PPARGC1A: variants seen among roughly 807,000 people sequenced by gnomAD.
PPARGC1A encodes the protein peroxisome proliferator-activated receptor gamma coactivator 1-alpha.
PPARGC1A carries 25 observed loss-of-function variants against 88.7 expected under a neutral mutation model. The observed-to-expected ratio is 0.28, with a 90% CI of 0.21 to 0.39. The LOEUF (loss-of-function observed/expected upper bound fraction) is 0.39. PPARGC1A is among the 10% of genes least tolerant of loss of function. PPARGC1A has a pLI of 1.00. For missense variants in PPARGC1A, 880 were observed against 968.7 expected (o/e 0.91, Z 1.22); for synonymous variants, 363 against 355.6 (o/e 1.02, Z -0.24).
At chr4:24,453,216 C>G in the PPARGC1A span, among the ~76,000 whole-genome samples, 5 of 152,192 alleles carry the variant, frequency 3.3e-5, no homozygotes, top group African/African-American at 1.2e-4. Flanking sequence ...TCTGCCAACA[C>G]CTTGATCTCA....
chr4:24,146,029 G>C, the PPARGC1A span, among the ~76,000 whole-genome samples: 1 of 152,178 alleles, frequency 6.6e-6, no homozygotes, highest in Non-Finnish European at 1.5e-5. Flanking sequence ...GGCCAAATGA[G>C]TTTGAGAATG....
the PPARGC1A span, among the ~76,000 whole-genome samples, chr4:24,458,778 T>G: frequency 6.6e-6 from 1 of 152,130 alleles, no homozygotes; most frequent in Non-Finnish European, 1.5e-5. Flanking sequence ...TAACATACAA[T>G]GGGATACTAC....
the PPARGC1A span, among the ~76,000 whole-genome samples, chr4:24,310,483 A>AAG: frequency 6.6e-6 from 1 of 152,166 alleles, no homozygotes; most frequent in Non-Finnish European, 1.5e-5. Flanking sequence ...CTGATTTAAG[A>AAG]AGAGAGAGAG....
chr4:23,918,569 T>A, the PPARGC1A span, among the ~76,000 whole-genome samples: 3 of 152,152 alleles, frequency 2.0e-5, no homozygotes, highest in Admixed American at 2.0e-4. Flanking sequence ...TTGGGTCTCT[T>A]AATGAGACAT....
the PPARGC1A span, among the ~76,000 whole-genome samples, chr4:24,419,547 G>GAGA: frequency 6.6e-6 from 1 of 150,866 alleles, no homozygotes; most frequent in East Asian, 1.9e-4. Flanking sequence ...TTCAGCCTTG[G>GAGA]AGAACTTCCT....
At chr4:23,963,405 G>C in the PPARGC1A span, among the ~76,000 whole-genome samples, 11 of 152,192 alleles carry the variant, frequency 7.2e-5, no homozygotes, top group African/African-American at 2.4e-4. Flanking sequence ...TGAACTTTCA[G>C]AGTGCTCAGC....
chr4:24,362,872 T>C, the PPARGC1A span, among the ~76,000 whole-genome samples: 1 of 152,174 alleles, frequency 6.6e-6, no homozygotes, highest in Non-Finnish European at 1.5e-5. Flanking sequence ...TTCAAGCACA[T>C]TCGGAAGCTC....
the PPARGC1A span, among the ~76,000 whole-genome samples, chr4:24,326,995 C>T: frequency 6.6e-6 from 1 of 152,300 alleles, no homozygotes; most frequent in Non-Finnish European, 1.5e-5. Flanking sequence ...ACAGACCAAC[C>T]TTTATTAGTC....
the PPARGC1A span, among the ~76,000 whole-genome samples, chr4:24,112,553 T>C: frequency 1.3e-5 from 2 of 152,182 alleles, no homozygotes; most frequent in African/African-American, 4.8e-5. Flanking sequence ...TTATGTCATT[T>C]TGTCTTGGAA....
At chr4:23,999,394 A>G in the PPARGC1A span, among the ~76,000 whole-genome samples, 2 of 152,190 alleles carry the variant, frequency 1.3e-5, no homozygotes, top group East Asian at 1.9e-4. Context: ...TTTCCTGTCT[A>G]TTAGCTTTCT....
At chr4:24,223,143 T>C in the PPARGC1A span, among the ~76,000 whole-genome samples, 3 of 152,006 alleles carry the variant, frequency 2.0e-5, no homozygotes, top group South Asian at 4.2e-4. Flanking sequence ...ATTCAAAAGA[T>C]GAAAGCTATA....
the PPARGC1A span, among the ~76,000 whole-genome samples, chr4:24,277,208 T>C: frequency 1.3e-5 from 2 of 152,168 alleles, no homozygotes; most frequent in Non-Finnish European, 2.9e-5. Context: ...TCCTCCCACC[T>C]TAGCCTACTG....
At chr4:24,301,513 A>G in the PPARGC1A span, among the ~76,000 whole-genome samples, 2 of 151,760 alleles carry the variant, frequency 1.3e-5, no homozygotes, top group African/African-American at 4.8e-5. Context: ...TACCCACATC[A>G]GTTGAGAGCG....
At chr4:24,173,346 A>AG in the PPARGC1A span, among the ~76,000 whole-genome samples, 1 of 151,806 alleles carries the variant, frequency 6.6e-6, no homozygotes, top group African/African-American at 2.4e-5. Context: ...ACCAAAAAAA[A>AG]AAAAAAAAAA....
At chr4:24,412,400 A>G in the PPARGC1A span, among the ~76,000 whole-genome samples, 1 of 152,214 alleles carries the variant, frequency 6.6e-6, no homozygotes, top group African/African-American at 2.4e-5. Flanking sequence ...TAGGGGGAAA[A>G]AAAACAAAAG....
At chr4:23,911,359 T>G in the PPARGC1A span, among the ~76,000 whole-genome samples, 1 of 152,280 alleles carries the variant, frequency 6.6e-6, no homozygotes, top group Non-Finnish European at 1.5e-5. Flanking sequence ...AAATAGAATC[T>G]ATCCCCATAA....
chr4:23,974,810 T>G, the PPARGC1A span, among the ~76,000 whole-genome samples: 1 of 130,128 alleles, frequency 7.7e-6, no homozygotes, highest in South Asian at 2.6e-4. Context: ...TTTTTTTTTT[T>G]TTTTTTTTTT....
chr4:24,062,119 A>G, the PPARGC1A span, among the ~76,000 whole-genome samples: 11 of 152,284 alleles, frequency 7.2e-5, no homozygotes, highest in African/African-American at 2.4e-4. Context: ...CTAAGACATT[A>G]TTTTGACATT....
chr4:24,131,595 A>C, the PPARGC1A span, among the ~76,000 whole-genome samples: 1 of 152,244 alleles, frequency 6.6e-6, no homozygotes, highest in Non-Finnish European at 1.5e-5. Context: ...GACAAATGGA[A>C]AGAAACCACT....
Sources: gnomAD v4.1 joint callset for allele counts (sites outside exome capture counted in the v4.1 genomes callset) on GRCh38, gnomAD v4.1.1 for gene constraint, MANE v1.5 for transcripts, NCBI Gene and HGNC (gene_info 2026-07-23, HGNC 2026-07-21) for gene names.